Variants in SLC25A21 observed in about 807,000 individuals in gnomAD.
SLC25A21 encodes mitochondrial 2-oxodicarboxylate carrier.
A neutral mutation model predicts 43.8 loss-of-function variants in SLC25A21; 47 were observed. The ratio of observed to expected loss-of-function variants is 1.07; its 90% CI spans 0.85 to 1.37. SLC25A21 has a LOEUF of 1.37. SLC25A21 is among the 40% of genes most tolerant of loss of function. The pLI is 0.00. For synonymous variants in SLC25A21, 131 were observed against 121.3 expected, an observed-to-expected ratio of 1.08 and a Z score of -0.52; for missense variants, 352 against 350.2, an observed-to-expected ratio of 1.00 and a Z score of -0.04.
At chr14:36,819,596 AAG>A (rs1010715465) in intron 2 of SLC25A21, among the ~76,000 whole-genome samples, 1 of 152,164 alleles carries the variant, frequency 6.6e-6, no homozygotes, top group African/African-American at 2.4e-5. Flanking sequence ...TAAAAGTCTC[AAG>A]ACAAGGGTGT....
intron 1 of SLC25A21, among the ~76,000 whole-genome samples, chr14:36,943,173 A>C (rs1173569231): frequency 6.6e-6 from 1 of 152,128 alleles, no homozygotes; most frequent in Admixed American, 6.6e-5. Flanking sequence ...ATTTTCCTAC[A>C]TAGGGAGATA....
intron 1 of SLC25A21, among the ~76,000 whole-genome samples, chr14:37,083,272 A>G (rs1962422434): frequency 6.6e-6 from 1 of 152,206 alleles, no homozygotes; most frequent in Non-Finnish European, 1.5e-5. Flanking sequence ...TTAAGAGCCT[A>G]TTATTTTCCA....
intron 3 of SLC25A21, among the ~76,000 whole-genome samples, chr14:36,764,328 G>C (rs1886318015): frequency 6.6e-6 from 1 of 151,542 alleles, no homozygotes; most frequent in South Asian, 2.1e-4. Flanking sequence ...TGGCTCCCCT[G>C]GCCCAGCCCC....
intron 3 of SLC25A21, among the ~76,000 whole-genome samples, chr14:36,752,312 T>A (rs746711429): frequency 6.6e-6 from 1 of 152,208 alleles, no homozygotes; most frequent in Non-Finnish European, 1.5e-5. Context: ...TGTAAAGTGG[T>A]GCAGCTGCCA....
intron 1 of SLC25A21, among the ~76,000 whole-genome samples, chr14:37,131,704 T>C (rs1963394314): frequency 6.6e-6 from 1 of 152,226 alleles, no homozygotes; most frequent in Non-Finnish European, 1.5e-5. Flanking sequence ...AGACAGGGTC[T>C]CTCTCTGTTG....
At chr14:37,138,854 T>G (rs965315220) in intron 1 of SLC25A21, among the ~76,000 whole-genome samples, 1 of 152,134 alleles carries the variant, frequency 6.6e-6, no homozygotes, top group African/African-American at 2.4e-5. Context: ...AATTTTTTGG[T>G]AAACTGTGTT....
At chr14:37,004,372 C>T (rs562601719) in intron 1 of SLC25A21, among the ~76,000 whole-genome samples, 1 of 152,288 alleles carries the variant, frequency 6.6e-6, no homozygotes, top group Non-Finnish European at 1.5e-5. Flanking sequence ...GTTTTATCTA[C>T]TAACCTAAAA....
At chr14:36,785,954 A>G (rs17105311) in intron 3 of SLC25A21, among the ~76,000 whole-genome samples, 33,994 of 152,232 alleles carry the variant, frequency 0.22, 3,929 homozygotes, top group East Asian at 0.3. Flanking sequence ...TCTTGCTTTG[A>G]TAAGTGAAGC....
rs1889966020 is a variant in SLC25A21, at chr14:36,858,412, T to C, written c.119+16544A>G. On this transcript the variant is annotated intron_variant, in intron 2 of 9. Coordinates refer to ENST00000331299, the MANE Select transcript of SLC25A21 (RefSeq NM_030631.4). The stretch of plus-strand genomic sequence containing the variant: ...AGTGTCGGCCTCAATTCTGAAAATA[T>C]TTTTTGAAACATCATAGATTCATGG... 2.6e-5 allele frequency among the ~76,000 whole-genome samples: 4 copies of C among 152,188 alleles called. No individual in the cohort carries two copies. In the South Asian group the frequency reaches 8.3e-4, roughly 32 times the overall value.
chr14:37,165,724 G>A (rs796635735), intron 1 of SLC25A21, among the ~76,000 whole-genome samples: 11 of 152,268 alleles, frequency 7.2e-5, no homozygotes, highest in African/African-American at 2.6e-4. Context: ...GGGAGGTTCT[G>A]AGGTTGGGTA....
intron 1 of SLC25A21, among the ~76,000 whole-genome samples, chr14:36,994,517 T>C (rs1031328994): frequency 1.3e-5 from 2 of 152,202 alleles, no homozygotes; most frequent in African/African-American, 4.8e-5. Context: ...CTGTCTGCAG[T>C]TGGACCCTTC....
At chr14:36,923,774 C>A (rs571152589) in intron 1 of SLC25A21, among the ~76,000 whole-genome samples, 1 of 152,158 alleles carries the variant, frequency 6.6e-6, no homozygotes, top group East Asian at 1.9e-4. Context: ...AAATTTTCTT[C>A]CATTCTGTGA....
chr14:37,117,759 T>G (rs1241766116), intron 1 of SLC25A21, among the ~76,000 whole-genome samples: 1 of 152,080 alleles, frequency 6.6e-6, no homozygotes, highest in African/African-American at 2.4e-5. Flanking sequence ...GCCATCTCCT[T>G]CCTAAATGCA....
At chr14:37,159,166 A>T (rs1963898077) in intron 1 of SLC25A21, among the ~76,000 whole-genome samples, 1 of 152,164 alleles carries the variant, frequency 6.6e-6, no homozygotes, top group Non-Finnish European at 1.5e-5. Context: ...GCCCAAAGCA[A>T]TCTACAGATT....
At chr14:37,165,134 T>C (rs1566925911) in intron 1 of SLC25A21, among the ~76,000 whole-genome samples, 1 of 152,182 alleles carries the variant, frequency 6.6e-6, no homozygotes, top group Non-Finnish European at 1.5e-5. Context: ...CCCAGCACTT[T>C]GGGAGGCTGT....
At chr14:36,823,729 G>T (rs981722094) in intron 2 of SLC25A21, among the ~76,000 whole-genome samples, 1 of 152,058 alleles carries the variant, frequency 6.6e-6, no homozygotes, top group African/African-American at 2.4e-5. Flanking sequence ...AAGTAATTAC[G>T]GTTTTAAAAA....
chr14:37,035,797 C>G (rs942618175), intron 1 of SLC25A21, among the ~76,000 whole-genome samples: 1 of 152,206 alleles, frequency 6.6e-6, no homozygotes, highest in Non-Finnish European at 1.5e-5. Flanking sequence ...CCAATGGTTC[C>G]CAGCTAAAGG....
chr14:37,051,649 G>C (rs552566093), intron 1 of SLC25A21, among the ~76,000 whole-genome samples: 26 of 152,296 alleles, frequency 1.7e-4, no homozygotes, highest in Non-Finnish European at 3.7e-4. Flanking sequence ...TCAATACCGA[G>C]GGATGAGCAA....
chr14:37,094,890 A>G (rs1360075817), intron 1 of SLC25A21, among the ~76,000 whole-genome samples: 1 of 152,188 alleles, frequency 6.6e-6, no homozygotes, highest in African/African-American at 2.4e-5. Flanking sequence ...CACCTATTGT[A>G]CAACATGGTG....
Sources: allele counts gnomAD v4.1 joint callset (sites outside exome capture counted in the v4.1 genomes callset), GRCh38; gene constraint gnomAD v4.1.1; transcripts MANE v1.5; gene names NCBI Gene and HGNC (gene_info 2026-07-23, HGNC 2026-07-21).